Variants in COL18A1 observed in about 807,000 individuals in gnomAD.
The protein encoded by COL18A1 is collagen alpha-1(XVIII) chain.
A neutral mutation model predicts 168.0 loss-of-function variants in COL18A1; 133 were observed. The observed-to-expected ratio is 0.79, with a 90% CI of 0.69 to 0.91. COL18A1 has a LOEUF of 0.91. Ranked by LOEUF, COL18A1 falls within the 40% of genes least tolerant of loss-of-function variation. The pLI, the probability that COL18A1 is intolerant of heterozygous loss-of-function variation, is 0.00. For missense variants in COL18A1, 2,126 were observed against 1,925.4 expected, an observed-to-expected ratio of 1.10 and a Z score of -1.95; for synonymous variants, 949 against 809.0, an observed-to-expected ratio of 1.17 and a Z score of -2.94.
At chr21:45,502,516 G>A (rs181248970) in intron 32 of COL18A1, 6 of 152,228 alleles carry the variant, frequency 3.9e-5, no homozygotes, top group Non-Finnish European at 8.8e-5. Context: ...TCAAAAATGA[G>A]TGAAGAGAAA....
chr21:45,491,444 T>A, intron 22 of COL18A1, 130 bp downstream of exon 22: 1 of 477,020 alleles, frequency 2.1e-6, no homozygotes, highest in South Asian at 1.8e-5. Context: ...CAGTCTACAC[T>A]CCACCTCCTC....
intron 15 of COL18A1, among the ~76,000 whole-genome samples, chr21:45,483,055 A>T (rs2035955463): frequency 6.6e-6 from 1 of 152,144 alleles, no homozygotes; most frequent in African/African-American, 2.4e-5. Context: ...GCTTCCGCCG[A>T]GCTCTGGTCT....
At chr21:45,492,274 G>C (rs891500124) in intron 22 of COL18A1, among the ~76,000 whole-genome samples, 10 of 152,192 alleles carry the variant, frequency 6.6e-5, no homozygotes, top group Admixed American at 2.0e-4. Context: ...GCAAGGGAGC[G>C]TCTAGCAGAG....
chr21:45,504,754 C>G (rs1223788805), intron 34 of COL18A1, among the ~76,000 whole-genome samples, 198 bp downstream of exon 34: 2 of 152,120 alleles, frequency 1.3e-5, no homozygotes, highest in African/African-American at 4.8e-5. Context: ...CGGACACCCC[C>G]CGTCCCCCTG....
Position 45,491,455 on chromosome 21 carries a change from G to A in COL18A1, c.2157+141G>A, listed in dbSNP as rs368327173. 257 of 658,874 alleles carry A rather than the reference G, an allele frequency of 3.9e-4. No homozygotes were observed. In the Middle Eastern group the frequency reaches 3.9e-3, roughly 10 times the overall value. The allele number at this position is 658,874 out of a possible 1,614,324, so 40.8% of individuals were successfully genotyped here. On this transcript the variant is annotated intron_variant, in intron 22 of 41. Transcript: ENST00000651438. ...CTGCCAGTCTACACTCCACCTCCTC[G>A]GTGGGGGCTGCAGACGCCCTCGGTC...
rs553783476 is a variant in COL18A1, at chr21:45,425,878, A to T, written c.106+20405A>T. 2.4e-3 allele frequency among the ~76,000 whole-genome samples: 367 copies of T among 152,152 alleles called. 2 individuals carry two copies. The highest frequency in any genetic ancestry group is 8.5e-3 in the African/African-American group (351 of 41,514). On this transcript the variant is annotated intron_variant, in intron 2 of 41. Coordinates refer to ENST00000651438, the MANE Select transcript of COL18A1 (RefSeq NM_001379500.1). The surrounding 1 kb of genome is among the most constrained non-coding windows in gnomAD (Gnocchi z 4.1). ...ATCTGTGCGTGCAAACTTCATTCTG[A>T]CTTCGGCCGGCTGTCCTTCTTGCCC...
rs145072535 is a variant in COL18A1, at chr21:45,472,979, A to G, written c.652-916A>G. On this transcript the variant is annotated intron_variant, in intron 3 of 41. Transcript: ENST00000651438. ...CCTGGGCTTTGGGGGCCCAGCCGGC[A>G]TGGGGAGCCCCAGGCTCCAGCTGGC... Among the ~76,000 whole-genome samples the G allele has an allele frequency of 4.4e-3, 677 of 152,314 alleles. 9 individuals are homozygous for G. The highest frequency in any genetic ancestry group is 0.016 in the African/African-American group (655 of 41,580).
rs374999005 is a variant in COL18A1 at position 45,457,042 on chromosome 21, C to T, written c.107-11200C>T. Among the ~76,000 whole-genome samples the T allele has an allele frequency of 2.6e-5, 4 of 152,190 alleles. No homozygotes were observed. The highest frequency in any genetic ancestry group is 9.6e-5 in the African/African-American group (4 of 41,456). On this transcript the variant is annotated intron_variant, in intron 2 of 41. Coordinates refer to ENST00000651438, the MANE Select transcript of COL18A1 (RefSeq NM_001379500.1). This position sits in a 1 kb window ranked among gnomAD's most constrained non-coding sequence, Gnocchi z 4.6. ...GTGGGAGAGCTGGGAGTGAGGCCTC[C>T]TGTGTGGGGAGGAGGCCGGCGTCTG...
chr21:45,458,278 C>G (rs116193435), intron 2 of COL18A1, among the ~76,000 whole-genome samples: 1 of 149,964 alleles, frequency 6.7e-6, no homozygotes, highest in Non-Finnish European at 1.5e-5. Context: ...CTGTTGGCAT[C>G]TCGTAGGGCT....
chr21:45,448,641 C>T (rs893245003), intron 2 of COL18A1, among the ~76,000 whole-genome samples: 4 of 152,256 alleles, frequency 2.6e-5, no homozygotes, highest in African/African-American at 9.6e-5. Context: ...GTCCCAAGAA[C>T]AAGGACATTC....
rs71185154 is a variant in COL18A1 at position 45,490,660 on chromosome 21, G to GGGTCTCT, written c.2032-175_2032-174insGTCTCTG. On this transcript the variant is annotated intron_variant, in intron 20 of 41. Transcript: ENST00000651438. ...TCTGGGCCTCCGTGTGCCCACTCCC[G>GGGTCTCT]GAGCGCCAGGAGTTAAGTATAAGTC... is the stretch of plus-strand genomic sequence containing the variant. 0.42 allele frequency among the ~76,000 whole-genome samples: 62,482 copies of GGGTCTCT among 148,848 alleles called. 12,967 individuals are homozygous for GGGTCTCT. Among genetic ancestry groups the GGGTCTCT allele is most frequent in the Middle Eastern group, 0.47 (136 of 290 alleles).
intron 2 of COL18A1, among the ~76,000 whole-genome samples, chr21:45,436,869 CTGGCTGGGGGGCAGCCA>C (rs1170504782): frequency 4.3e-5 from 5 of 116,794 alleles, no homozygotes; most frequent in Admixed American, 3.0e-4. Context: ...TGGGGAGTTG[CTGGCTGGGGGGCAGCCA>C]TGGCTGGGGG....
At position 45,479,808 on chromosome 21, in the gene COL18A1, G is replaced by A. The variant is rs946772494; in HGVS notation, c.1249-94G>A. On this transcript the variant is annotated intron_variant, in intron 9 of 41. Coordinates refer to ENST00000651438, the MANE Select transcript of COL18A1 (RefSeq NM_001379500.1). ...GACTCCCCTGAAGGGCTCAGCTCCC[G>A]TCCGTCCCCTGCTTGGGGGAGGAGC... is the stretch of plus-strand genomic sequence containing the variant. 3.2e-5 allele frequency: 50 copies of A among 1,553,460 alleles called. No individual in the cohort carries two copies. The Admixed American group carries it at 6.2e-4, about 19-fold the overall frequency.
intron 13 of COL18A1, among the ~76,000 whole-genome samples, chr21:45,481,734 G>C (rs963947757): frequency 1.4e-4 from 22 of 152,222 alleles, no homozygotes; most frequent in Non-Finnish European, 2.6e-4. Context: ...GCATCTTCCC[G>C]CCGTGGTGCT....
At chr21:45,415,616 G>C (rs907545556) in intron 2 of COL18A1, among the ~76,000 whole-genome samples, 1 of 152,234 alleles carries the variant, frequency 6.6e-6, no homozygotes, top group Non-Finnish European at 1.5e-5. Flanking sequence ...GGCGGCCGGG[G>C]CAGGCCCCGG....
At position 45,505,379 on chromosome 21, in the gene COL18A1, C is replaced by CGG. The variant is rs1285121531; in HGVS notation, c.3037_3038dup (p.Pro1014AlafsTer18). 2 of 1,594,338 alleles carry CGG rather than the reference C, an allele frequency of 1.3e-6. No homozygotes were observed. Among genetic ancestry groups the CGG allele is most frequent in the African/African-American group, 2.7e-5 (2 of 74,590 alleles). Reference sequence around the variant, plus strand: ...GCAGCTATCAGCGTTCCCGGCCCTCCGGGCCCCCCTGGGCCCCCTGGGCCC... The same window carrying CGG: ...GCAGCTATCAGCGTTCCCGGCCCTCCGGGGGCCCCCCTGGGCCCCCTGGGCCC... On this transcript the variant is annotated frameshift_variant, in exon 36 of 42. Transcript: ENST00000651438. LOFTEE classifies it high-confidence loss of function.
rs1282949421 is a variant in COL18A1 at position 45,468,418 on chromosome 21, C to A, written c.283C>A (p.Leu95Met). ...CCTCTTCTTCCGTGACTTCTCACTG[C>A]TGTTCCACATCCGGCCAGCCACAGA... ...PSLFFRDFSL[L>M]FHIRPATEGP... The change falls in exon 3 of 42, where the codon CTG (leucine) becomes ATG (methionine). Residue 95 changes from leucine to methionine, a missense_variant. By Grantham distance (15) the Leu-to-Met change is conservative. Coordinates refer to ENST00000651438, the MANE Select transcript of COL18A1 (RefSeq NM_001379500.1). 2 of 1,613,930 alleles carry A rather than the reference C, an allele frequency of 1.2e-6. No homozygotes were observed. The highest frequency in any genetic ancestry group is 2.7e-5 in the African/African-American group (2 of 74,962).
chr21:45,490,902 T>A lies in COL18A1; in HGVS notation c.2067+31T>A, dbSNP rs1568922447. Reference sequence around the variant, plus strand: ...TGTCCCTGGGGCGGGTGGATGGGGATGGGGGGCGCTGGGACATCCCAGAAG... The same window carrying A: ...TGTCCCTGGGGCGGGTGGATGGGGAAGGGGGGCGCTGGGACATCCCAGAAG... On this transcript the variant is annotated intron_variant, in intron 21 of 41. Transcript: ENST00000651438. The A allele has an allele frequency of 2.6e-6, 4 of 1,537,812 alleles. No homozygotes were observed. The Admixed American group carries it at 7.8e-5, about 30-fold the overall frequency.
At chr21:45,405,848 G>A (rs1048934539) in intron 2 of COL18A1, among the ~76,000 whole-genome samples, 56 of 151,878 alleles carry the variant, frequency 3.7e-4, no homozygotes, top group Admixed American at 5.2e-4. Flanking sequence ...GCCGGGTCCC[G>A]GGACTGACCG....
Sources: allele counts gnomAD v4.1 joint callset (sites outside exome capture counted in the v4.1 genomes callset), GRCh38; gene constraint gnomAD v4.1.1; non-coding constraint Gnocchi (gnomAD v3.1); transcripts MANE v1.5; gene names NCBI Gene and HGNC (gene_info 2026-07-23, HGNC 2026-07-21).